SPPL3: variants seen among roughly 807,000 people sequenced by gnomAD.
SPPL3 encodes signal peptide peptidase-like 3.
A neutral mutation model predicts 42.4 loss-of-function variants in SPPL3; 5 were observed. The observed-to-expected ratio is 0.12, with a 90% CI of 0.06 to 0.25. The LOEUF (loss-of-function observed/expected upper bound fraction) is 0.25, where lower values mean the gene tolerates loss of function less well. Ranked by LOEUF, SPPL3 falls within the 10% of genes least tolerant of loss-of-function variation. The pLI is 1.00. For synonymous variants in SPPL3, 195 were observed against 181.8 expected (o/e 1.07, Z -0.58); for missense variants, 235 against 489.0 (o/e 0.48, Z 4.90).
At chr12:120,839,151 A>G (rs1871720065) in intron 1 of SPPL3, among the ~76,000 whole-genome samples, 1 of 151,808 alleles carries the variant, frequency 6.6e-6, no homozygotes, top group Admixed American at 6.6e-5. Flanking sequence ...AATGTGGCAC[A>G]TATACACCAT....
rs1437268217 is a variant in SPPL3, at chr12:120,852,016, T to C, written c.24-41130A>G. ...AGGAATTTAGTGATTTAATGCTGAA[T>C]TGTGAACTACCTTAAGCTATTAGTT... is the stretch of plus-strand genomic sequence containing the variant. On this transcript the variant is annotated intron_variant, in intron 1 of 10. Coordinates refer to ENST00000353487, the MANE Select transcript of SPPL3 (RefSeq NM_139015.5). 3.3e-5 allele frequency among the ~76,000 whole-genome samples: 5 copies of C among 152,356 alleles called. No individual in the cohort carries two copies. The South Asian group carries it at 6.2e-4, about 19-fold the overall frequency.
chr12:120,814,447 C>T (rs563629778), intron 1 of SPPL3, among the ~76,000 whole-genome samples: 4 of 152,178 alleles, frequency 2.6e-5, no homozygotes, highest in Non-Finnish European at 5.9e-5. Flanking sequence ...GCTCACATAC[C>T]AAGAGATATC....
intron 1 of SPPL3, among the ~76,000 whole-genome samples, chr12:120,830,574 G>A (rs1340662998): frequency 0.033 from 215 of 6,564 alleles, 48 homozygotes; most frequent in Admixed American, 0.092. Context: ...TGGGGGAGGG[G>A]GGGAAGGAGA....
chr12:120,888,100 G>A (rs1873518136), intron 1 of SPPL3, among the ~76,000 whole-genome samples: 1 of 152,096 alleles, frequency 6.6e-6, no homozygotes, highest in Admixed American at 6.6e-5. Context: ...TTTTTAGACA[G>A]AGTCTTGCTC....
At chr12:120,888,803 AT>A (rs1396480470) in intron 1 of SPPL3, among the ~76,000 whole-genome samples, 3 of 152,128 alleles carry the variant, frequency 2.0e-5, no homozygotes, top group African/African-American at 7.2e-5. Flanking sequence ...CAGTATGTGA[AT>A]TATATCTTAT....
intron 10 of SPPL3, among the ~76,000 whole-genome samples, chr12:120,765,870 CTCAACACTAT>C (rs1190814036): frequency 1.3e-5 from 2 of 152,140 alleles, no homozygotes; most frequent in Non-Finnish European, 2.9e-5. Flanking sequence ...CATATGCTGC[CTCAACACTAT>C]TCAATCTTAA....
rs1055835739 is a variant in SPPL3, at chr12:120,764,575, C to T, written c.*424G>A. ...TGAGTCCCCTATAGGAAACTGGTCC[C>T]AAAGTTCTCGAGGGGTCATTGAAGA... On this transcript the variant is annotated 3_prime_UTR_variant, in exon 11 of 11. Transcript: ENST00000353487. 1 of 287,634 alleles carries T rather than the reference C, an allele frequency of 3.5e-6. No homozygotes were observed. Among genetic ancestry groups the T allele is most frequent in the Non-Finnish European group, 6.4e-6 (1 of 156,578 alleles). The allele number at this position is 287,634 out of a possible 1,614,324, so 17.8% of individuals were successfully genotyped here.
chr12:120,854,992 CAAGGGGCAGGG>C (rs1297024290), intron 1 of SPPL3, among the ~76,000 whole-genome samples: 1 of 152,148 alleles, frequency 6.6e-6, no homozygotes, highest in African/African-American at 2.4e-5. Context: ...TGACCCTCCA[CAAGGGGCAGGG>C]AAGGGACAGG....
At chr12:120,828,589 A>T (rs1430277631) in intron 1 of SPPL3, among the ~76,000 whole-genome samples, 1 of 152,224 alleles carries the variant, frequency 6.6e-6, no homozygotes, top group Non-Finnish European at 1.5e-5. Flanking sequence ...TTGGGGAAAA[A>T]AAGTTGGAGG....
intron 1 of SPPL3, among the ~76,000 whole-genome samples, chr12:120,856,102 G>C (rs1027227152): frequency 1.3e-5 from 2 of 152,126 alleles, no homozygotes; most frequent in African/African-American, 4.8e-5. Flanking sequence ...GTGCAACTAA[G>C]GAACTTAATC....
intron 1 of SPPL3, among the ~76,000 whole-genome samples, chr12:120,819,917 G>A (rs575153570): frequency 3.9e-5 from 6 of 152,290 alleles, no homozygotes; most frequent in African/African-American, 1.4e-4. Flanking sequence ...GCGCACCAGA[G>A]GTTTTACCCA....
intron 3 of SPPL3, among the ~76,000 whole-genome samples, chr12:120,789,939 A>G (rs1869860015): frequency 6.6e-6 from 1 of 151,860 alleles, no homozygotes; most frequent in Admixed American, 6.6e-5. Context: ...AAACTTAGAC[A>G]TAATAATATA....
chr12:120,781,137 A>T (rs937166744), intron 6 of SPPL3, among the ~76,000 whole-genome samples: 2 of 152,220 alleles, frequency 1.3e-5, no homozygotes, highest in African/African-American at 4.8e-5. Context: ...TAAAGCACCT[A>T]GCAGACTGCC....
At chr12:120,884,196 G>A (rs1178185140) in intron 1 of SPPL3, among the ~76,000 whole-genome samples, 9 of 152,028 alleles carry the variant, frequency 5.9e-5, no homozygotes, top group Non-Finnish European at 8.8e-5. Flanking sequence ...ACACCTAAAC[G>A]GGGACAGGGG....
intron 1 of SPPL3, among the ~76,000 whole-genome samples, chr12:120,855,529 A>G (rs2137037780): frequency 6.6e-6 from 1 of 152,196 alleles, no homozygotes; most frequent in East Asian, 1.9e-4. Flanking sequence ...ATCTACTAAA[A>G]TACAAAAACT....
intron 2 of SPPL3, among the ~76,000 whole-genome samples, chr12:120,799,582 G>A (rs937298930): frequency 1.3e-5 from 2 of 152,150 alleles, no homozygotes; most frequent in Non-Finnish European, 2.9e-5. Flanking sequence ...TGGTGGGGGA[G>A]GGTGGAGGAC....
intron 1 of SPPL3, among the ~76,000 whole-genome samples, chr12:120,861,542 C>G (rs758341001): frequency 6.6e-6 from 1 of 152,104 alleles, no homozygotes; most frequent in African/African-American, 2.4e-5. Flanking sequence ...TGTGGTAGAT[C>G]CTTGCATTAC....
intron 1 of SPPL3, among the ~76,000 whole-genome samples, chr12:120,887,042 C>T (rs188204721): frequency 6.8e-4 from 103 of 151,540 alleles, no homozygotes; most frequent in African/African-American, 2.3e-3. Context: ...GGCACGATCT[C>T]GGCTCACTGC....
At chr12:120,892,563 G>A (rs1873673013) in intron 1 of SPPL3, among the ~76,000 whole-genome samples, 1 of 152,112 alleles carries the variant, frequency 6.6e-6, no homozygotes, top group Non-Finnish European at 1.5e-5. Context: ...GAAGTAACAC[G>A]TAATATTTAA....
Sources: allele counts gnomAD v4.1 joint callset (sites outside exome capture counted in the v4.1 genomes callset), GRCh38; gene constraint gnomAD v4.1.1; transcripts MANE v1.5; gene names NCBI Gene and HGNC (gene_info 2026-07-23, HGNC 2026-07-21).